The following RCOR1 variants were observed in gnomAD, a reference collection of about 807,000 sequenced individuals.
RCOR1 encodes REST corepressor.
Under a neutral mutation model 64.0 loss-of-function variants are expected in RCOR1, and 12 were observed. That is an observed-to-expected ratio of 0.19 (90% CI 0.12 to 0.30). RCOR1 has a LOEUF of 0.30. Among genes scored for constraint, RCOR1 ranks in the 10% least tolerant of loss-of-function variants. The probability of loss-of-function intolerance (pLI) is 1.00; values close to 1 mark genes in which losing one functional copy is unlikely to be tolerated. For missense variants in RCOR1, 502 were observed against 621.2 expected (o/e 0.81, Z 2.04); for synonymous variants, 279 against 227.2 (o/e 1.23, Z -2.05).
intron 2 of RCOR1, among the ~76,000 whole-genome samples, chr14:102,622,032 C>G (rs1893885622): frequency 6.6e-6 from 1 of 152,136 alleles, no homozygotes; most frequent in South Asian, 2.1e-4. Flanking sequence ...TTGTCCTACC[C>G]CTAACTGCCA....
chr14:102,621,736 A>G (rs1893877284), intron 2 of RCOR1, among the ~76,000 whole-genome samples: 1 of 152,136 alleles, frequency 6.6e-6, no homozygotes, highest in East Asian at 1.9e-4. Flanking sequence ...TGAAATACAA[A>G]GGCGGAATTT....
At chr14:102,696,782 TC>T (rs1439498756) in intron 3 of RCOR1, among the ~76,000 whole-genome samples, 1 of 151,466 alleles carries the variant, frequency 6.6e-6, no homozygotes, top group Non-Finnish European at 1.5e-5. Context: ...CATCTTTTAT[TC>T]ACTGACTTTT....
At position 102,718,665 on chromosome 14, in the gene RCOR1, A is replaced by G. The variant is rs575137762; in HGVS notation, c.1054-2342A>G. ...TCATCTTGTTTTTTCTTTAAGTGTG[A>G]TTACCTTTGCATCCTATTTCTTACC... On this transcript the variant is annotated intron_variant, in intron 8 of 11. Coordinates refer to ENST00000262241, the MANE Select transcript of RCOR1 (RefSeq NM_015156.4). Among the ~76,000 whole-genome samples the G allele has an allele frequency of 7.9e-5, 12 of 152,034 alleles. No homozygotes were observed. The East Asian group carries it at 1.9e-3, about 24-fold the overall frequency.
Position 102,592,917 on chromosome 14 carries a change from G to A in RCOR1, c.31G>A (p.Val11Ile). ...GGCCATGGTGGAGAAGGGCCCCGAG[G>A]TCTCAGGGAAGCGGAGAGGGAGGAA... Reference protein sequence around the residue: MPAMVEKGPEVSGKRRGRNNA... With the variant: MPAMVEKGPEISGKRRGRNNA... The change falls in exon 1 of 12, where the codon GTC becomes ATC. Residue 11 changes from valine to isoleucine, a missense_variant. Physicochemically the swap from Val to Ile is conservative, Grantham distance 29 (BLOSUM62 3). Transcript: ENST00000262241. 1.8e-5 allele frequency: 22 copies of A among 1,242,540 alleles called. No homozygotes were observed. The highest frequency in any genetic ancestry group is 2.2e-5 in the Non-Finnish European group (22 of 986,328). The allele number at this position is 1,242,540 out of a possible 1,614,324, so 77.0% of individuals were successfully genotyped here.
At chr14:102,663,068 A>AG (rs1322058508) in intron 2 of RCOR1, among the ~76,000 whole-genome samples, 1 of 152,168 alleles carries the variant, frequency 6.6e-6, no homozygotes, top group Non-Finnish European at 1.5e-5. Flanking sequence ...TCATGAGGCC[A>AG]GATCTTTCCT....
intron 11 of RCOR1, among the ~76,000 whole-genome samples, chr14:102,722,996 A>G (rs1177253389): frequency 6.6e-6 from 1 of 152,146 alleles, no homozygotes; most frequent in South Asian, 2.1e-4. Flanking sequence ...CCCTGGTCTC[A>G]TCTGTCACCT....
chr14:102,718,736 ATC>A (rs1225787721), intron 8 of RCOR1, among the ~76,000 whole-genome samples: 1 of 151,808 alleles, frequency 6.6e-6, no homozygotes, highest in African/African-American at 2.4e-5. Context: ...GGTGGCAGTA[ATC>A]TCTGTTTTTT....
chr14:102,607,166 T>A (rs1247458832), intron 2 of RCOR1, among the ~76,000 whole-genome samples: 1 of 151,974 alleles, frequency 6.6e-6, no homozygotes, highest in Non-Finnish European at 1.5e-5. Flanking sequence ...CTTCTAACCT[T>A]AGGTGATCCG....
At chr14:102,725,356 CT>C (rs1470988444) in intron 11 of RCOR1, among the ~76,000 whole-genome samples, 2 of 152,272 alleles carry the variant, frequency 1.3e-5, no homozygotes, top group South Asian at 2.1e-4. Context: ...GCTATGCAGC[CT>C]TTAGGTTTGG....
In RCOR1 at chr14:102,720,892, A is replaced by G. The variant is rs550225063; in HGVS notation, c.1054-115A>G. On this transcript the variant is annotated intron_variant, in intron 8 of 11. Transcript: ENST00000262241. The stretch of plus-strand genomic sequence containing the variant: ...AGGGATCTCAGAATTCAGCTACAAC[A>G]GATGTTAGTAACGTCTTTACTCTTG... 4.6e-5 allele frequency: 27 copies of G among 588,010 alleles called. No homozygotes were observed. In the South Asian group the frequency reaches 6.3e-4, roughly 14 times the overall value. The allele number at this position is 588,010 out of a possible 1,614,324, so 36.4% of individuals were successfully genotyped here.
At chr14:102,598,163 C>T (rs1893304709) in intron 2 of RCOR1, among the ~76,000 whole-genome samples, 2 of 152,078 alleles carry the variant, frequency 1.3e-5, no homozygotes, top group Non-Finnish European at 1.5e-5. Flanking sequence ...ACCATGTTGG[C>T]CAGGCTGGTC....
chr14:102,692,047 T>C (rs1479721980), intron 3 of RCOR1, among the ~76,000 whole-genome samples: 2 of 152,240 alleles, frequency 1.3e-5, no homozygotes, highest in Non-Finnish European at 2.9e-5. Flanking sequence ...ATTGCTGTTG[T>C]TGGACTTATA....
chr14:102,677,408 G>A, intron 2 of RCOR1, among the ~76,000 whole-genome samples: 6 of 143,702 alleles, frequency 4.2e-5, no homozygotes, highest in African/African-American at 1.6e-4. Context: ...CCCAGACGGG[G>A]TGGCTGCCGG....
chr14:102,724,073 T>C (rs1174821373), intron 11 of RCOR1, among the ~76,000 whole-genome samples: 3 of 152,164 alleles, frequency 2.0e-5, no homozygotes, highest in Admixed American at 6.5e-5. Context: ...TCTTCCGTAA[T>C]GATCCACTTA....
At chr14:102,712,211 C>T (rs968460855) in intron 7 of RCOR1, among the ~76,000 whole-genome samples, 3 of 151,980 alleles carry the variant, frequency 2.0e-5, no homozygotes, top group African/African-American at 7.3e-5. Flanking sequence ...GAGACAGTCT[C>T]TCACTCTGTT....
At chr14:102,658,239 T>G (rs905299845) in intron 2 of RCOR1, among the ~76,000 whole-genome samples, 1 of 152,176 alleles carries the variant, frequency 6.6e-6, no homozygotes, top group Non-Finnish European at 1.5e-5. Flanking sequence ...CTTCCCAAAG[T>G]GTTGGGGTTA....
In RCOR1 at chr14:102,592,746, C is replaced by T; in HGVS notation, c.-141C>T. On this transcript the variant is annotated 5_prime_UTR_variant, in exon 1 of 12. Coordinates refer to ENST00000262241, the MANE Select transcript of RCOR1 (RefSeq NM_015156.4). ...TCCGCGCTCTGCCCGTTTGGGCCTCCCCCGACTCGGACTCGCGCCCGTGGG... is the reference window on the plus strand; with the variant it reads ...TCCGCGCTCTGCCCGTTTGGGCCTCTCCCGACTCGGACTCGCGCCCGTGGG... 2.5e-6 allele frequency: 3 copies of T among 1,219,828 alleles called. No individual in the cohort carries two copies. The highest frequency in any genetic ancestry group is 4.1e-5 in the South Asian group (1 of 24,234). The allele number at this position is 1,219,828 out of a possible 1,614,324, so 75.6% of individuals were successfully genotyped here.
chr14:102,695,396 C>T (rs937928489), intron 3 of RCOR1: 3 of 202 alleles, frequency 0.015, no homozygotes, highest in African/African-American at 0.065. Context: ...TTGGCTGGTC[C>T]GAAGTAGTGA....
At chr14:102,713,982 G>T (rs1896012348) in intron 7 of RCOR1, among the ~76,000 whole-genome samples, 1 of 152,098 alleles carries the variant, frequency 6.6e-6, no homozygotes, top group Admixed American at 6.6e-5. Flanking sequence ...AAATGATAAG[G>T]TATATTATTT....
Sources: allele counts gnomAD v4.1 joint callset (sites outside exome capture counted in the v4.1 genomes callset), GRCh38; gene constraint gnomAD v4.1.1; transcripts MANE v1.5; gene names NCBI Gene and HGNC (gene_info 2026-07-23, HGNC 2026-07-21).